The following RBMS3 variants were observed in gnomAD, a reference collection of about 807,000 sequenced individuals.
RBMS3 encodes the protein RNA binding motif single stranded interacting protein 3.
Under a neutral mutation model 66.8 loss-of-function variants are expected in RBMS3, and 27 were observed. The ratio of observed to expected loss-of-function variants is 0.40; its 90% CI spans 0.30 to 0.56. The LOEUF is 0.56. RBMS3 is among the 20% of genes least tolerant of loss of function. RBMS3 has a pLI of 0.40. For synonymous variants in RBMS3, 188 were observed against 183.0 expected (o/e 1.03, Z -0.22); for missense variants, 513 against 549.5 (o/e 0.93, Z 0.66).
intron 12 of RBMS3, among the ~76,000 whole-genome samples, chr3:29,971,735 G>A (rs374925667): frequency 1.3e-5 from 2 of 152,108 alleles, no homozygotes; most frequent in Non-Finnish European, 2.9e-5. Context: ...ACTGCTAAGA[G>A]CTTTAGCAGA....
chr3:29,472,792 G>A (rs1006447747), intron 2 of RBMS3, among the ~76,000 whole-genome samples: 1 of 152,152 alleles, frequency 6.6e-6, no homozygotes, highest in African/African-American at 2.4e-5. Context: ...CCCAAAGAGT[G>A]AGCAGCAGCA....
chr3:29,446,942 A>G (rs970461691), intron 2 of RBMS3, among the ~76,000 whole-genome samples: 11 of 110,202 alleles, frequency 1.0e-4, no homozygotes, highest in African/African-American at 3.8e-4. Context: ...GAGACAGAGT[A>G]TCACTCTTGT....
intron 12 of RBMS3, among the ~76,000 whole-genome samples, chr3:29,948,126 G>C (rs1695442716): frequency 6.6e-6 from 1 of 151,642 alleles, no homozygotes. Flanking sequence ...ACTTCATGAT[G>C]AGATTTCACA....
chr3:29,480,899 C>T (rs2043107032), intron 2 of RBMS3, among the ~76,000 whole-genome samples: 1 of 152,014 alleles, frequency 6.6e-6, no homozygotes, highest in African/African-American at 2.4e-5. Flanking sequence ...GGATGAATAC[C>T]AATTGGGGAG....
chr3:29,669,069 T>G (rs572149056), intron 4 of RBMS3, among the ~76,000 whole-genome samples: 1 of 152,330 alleles, frequency 6.6e-6, no homozygotes, highest in Admixed American at 6.5e-5. Context: ...CTGGGCTGAA[T>G]GGAGGTGCCC....
At position 29,957,638 on chromosome 3, in the gene RBMS3, T is replaced by A. The variant is rs539418514; in HGVS notation, c.1098+13384T>A. 1.9e-4 allele frequency among the ~76,000 whole-genome samples: 29 copies of A among 152,304 alleles called. 1 individual carries two copies. Among genetic ancestry groups the A allele is most frequent in the South Asian group, 1.9e-3 (9 of 4,830 alleles). On this transcript the variant is annotated intron_variant, in intron 12 of 14. Coordinates refer to ENST00000383767, the MANE Select transcript of RBMS3 (RefSeq NM_001003793.3). ...TTGGTGGAAATGTACAATGTGTCTA[T>A]TAGAAATATGAATGCCCTTCAGCAA...
chr3:29,400,215 C>A (rs986919114), intron 1 of RBMS3, among the ~76,000 whole-genome samples: 9 of 152,046 alleles, frequency 5.9e-5, no homozygotes, highest in Non-Finnish European at 1.0e-4. Flanking sequence ...ATTTATGGGC[C>A]ACTTACTGAG....
Position 29,570,687 on chromosome 3 carries a change from T to C in RBMS3, c.308-16427T>C, listed in dbSNP as rs567318485. 7.2e-4 allele frequency among the ~76,000 whole-genome samples: 109 copies of C among 152,280 alleles called. 1 individual carries two copies. Among genetic ancestry groups the C allele is most frequent in the African/African-American group, 2.4e-3 (99 of 41,574 alleles). ...TCTTTTATGGCTGAATAGTACTCCA[T>C]TGTGTATAAGTACCACATTTTCTTT... On this transcript the variant is annotated intron_variant, in intron 3 of 14. Coordinates refer to ENST00000383767, the MANE Select transcript of RBMS3 (RefSeq NM_001003793.3).
intron 4 of RBMS3, among the ~76,000 whole-genome samples, chr3:29,682,114 G>C (rs2051521987): frequency 6.6e-6 from 1 of 152,180 alleles, no homozygotes; most frequent in African/African-American, 2.4e-5. Flanking sequence ...TCTTACGAAA[G>C]GATGGCTTGA....
chr3:29,341,894 A>G (rs1164464766), intron 1 of RBMS3, among the ~76,000 whole-genome samples: 5 of 152,182 alleles, frequency 3.3e-5, no homozygotes, highest in Non-Finnish European at 1.5e-5. Context: ...CATTTTCAGT[A>G]TGATGCCAAA....
rs116076946 is a variant in RBMS3 at position 29,354,651 on chromosome 3, C to T, written c.75+72895C>T. ...TCTAGGGGCTTTGCTGAAGTTAAAC[C>T]AAGAATTTCAATATATGATACTACT... On this transcript the variant is annotated intron_variant, in intron 1 of 14. Coordinates refer to ENST00000383767, the MANE Select transcript of RBMS3 (RefSeq NM_001003793.3). Among the ~76,000 whole-genome samples, 705 of 152,146 alleles carry T rather than the reference C, an allele frequency of 4.6e-3. 5 individuals carry two copies. The highest frequency in any genetic ancestry group is 0.016 in the African/African-American group (672 of 41,526).
At chr3:29,293,239 T>C (rs965904066) in intron 1 of RBMS3, among the ~76,000 whole-genome samples, 1 of 150,394 alleles carries the variant, frequency 6.6e-6, no homozygotes, top group African/African-American at 2.4e-5. Context: ...GATCTGTATG[T>C]GCTCACAAAT....
At chr3:29,845,255 A>G (rs1053887309) in intron 6 of RBMS3, among the ~76,000 whole-genome samples, 1 of 152,170 alleles carries the variant, frequency 6.6e-6, no homozygotes, top group Non-Finnish European at 1.5e-5. Context: ...AGGGAGTGCA[A>G]GTTGGTAGTT....
At chr3:29,578,138 G>C (rs2149078515) in intron 3 of RBMS3, among the ~76,000 whole-genome samples, 1 of 152,190 alleles carries the variant, frequency 6.6e-6, no homozygotes, top group African/African-American at 2.4e-5. Flanking sequence ...TAAACCTCTG[G>C]GTGTCCCTAA....
At chr3:29,473,419 A>T (rs1028402039) in intron 2 of RBMS3, among the ~76,000 whole-genome samples, 51 of 152,318 alleles carry the variant, frequency 3.3e-4, no homozygotes, top group African/African-American at 1.2e-3. Context: ...TTCCCACTAG[A>T]CTCAGGAGCC....
At chr3:29,713,274 C>T (rs1218755495) in intron 4 of RBMS3, among the ~76,000 whole-genome samples, 1 of 151,928 alleles carries the variant, frequency 6.6e-6, no homozygotes, top group Admixed American at 6.6e-5. Flanking sequence ...CAGTGTTTGC[C>T]CTCTGTTCCC....
chr3:29,730,573 G>T (rs1051012787), intron 4 of RBMS3, among the ~76,000 whole-genome samples: 1 of 152,150 alleles, frequency 6.6e-6, no homozygotes, highest in East Asian at 1.9e-4. Context: ...CTGTCTTCAT[G>T]TCATTTCCAC....
chr3:29,454,210 C>G (rs2125766494), intron 2 of RBMS3, among the ~76,000 whole-genome samples: 1 of 152,306 alleles, frequency 6.6e-6, no homozygotes, highest in East Asian at 1.9e-4. Context: ...CTGGCACCAT[C>G]TGTAAGTTTG....
chr3:29,505,296 A>G (rs1559418935), intron 3 of RBMS3, among the ~76,000 whole-genome samples: 1 of 151,858 alleles, frequency 6.6e-6, no homozygotes, highest in Non-Finnish European at 1.5e-5. Context: ...TGTCCCAACA[A>G]TATTTATTGA....
Sources: gnomAD v4.1 joint callset for allele counts (sites outside exome capture counted in the v4.1 genomes callset) on GRCh38, gnomAD v4.1.1 for gene constraint, MANE v1.5 for transcripts, NCBI Gene and HGNC (gene_info 2026-07-23, HGNC 2026-07-21) for gene names.